Variants in MEGF6 observed in about 807,000 individuals in gnomAD.
The protein encoded by MEGF6 is multiple epidermal growth factor-like domains protein 6.
Under a neutral mutation model 207.1 loss-of-function variants are expected in MEGF6, and 184 were observed. The ratio of observed to expected loss-of-function variants is 0.89; its 90% confidence interval spans 0.79 to 1.00. MEGF6 has a LOEUF of 1.00. Ranked by LOEUF, MEGF6 falls within the 50% of genes least tolerant of loss-of-function variation. The pLI, the probability that MEGF6 is intolerant of heterozygous loss-of-function variation, is 0.00. For missense variants in MEGF6, 2,282 were observed against 2,202.9 expected (o/e 1.04, Z -0.72); for synonymous variants, 1,038 against 910.0 (o/e 1.14, Z -2.53).
intron 4 of MEGF6, among the ~76,000 whole-genome samples, chr1:3,538,134 C>T (rs753026731): frequency 1.3e-5 from 2 of 152,230 alleles, no homozygotes; most frequent in African/African-American, 4.8e-5. Flanking sequence ...GCAAGTGGCA[C>T]GTGGATCTGC....
chr1:3,579,865 A>G lies in MEGF6; in HGVS notation c.441T>C (p.Cys147=). 1 of 1,540,896 alleles carries G rather than the reference A, an allele frequency of 6.5e-7. No individual in the cohort carries two copies. The highest frequency in any genetic ancestry group is 8.7e-7 in the Non-Finnish European group (1 of 1,150,006). The change falls in exon 4 of 37, where the codon TGT becomes TGC. Residue 147 remains cysteine, a synonymous_variant. Transcript: ENST00000356575. ...GRCVPGSAQP[C]HCPPGFQGPR... is the part of the protein sequence containing the mutation. ...GTCCCTGGAAGCCGGGGGGACAGTG[A>G]CACGGCTGGGCTGAGCCTGGCACAC...
At chr1:3,604,852 A>G (rs527666300) in intron 1 of MEGF6, among the ~76,000 whole-genome samples, 174 of 152,222 alleles carry the variant, frequency 1.1e-3, no homozygotes, top group African/African-American at 4.0e-3. Context: ...AGGTTGGATC[A>G]GGGACAGAGG....
At chr1:3,572,602 A>G (rs1480000817) in intron 4 of MEGF6, among the ~76,000 whole-genome samples, 14 of 84,250 alleles carry the variant, frequency 1.7e-4, no homozygotes, top group East Asian at 4.4e-4. Flanking sequence ...TCTCCTGAGT[A>G]TGCTGGGTCC....
At chr1:3,518,711 G>C (rs536059213) in intron 5 of MEGF6, among the ~76,000 whole-genome samples, 2 of 152,362 alleles carry the variant, frequency 1.3e-5, no homozygotes, top group East Asian at 3.9e-4. Context: ...GTTTCACGAG[G>C]CTTGTAATTA....
chr1:3,562,364 C>T (rs1290398081), intron 4 of MEGF6, among the ~76,000 whole-genome samples: 2 of 152,212 alleles, frequency 1.3e-5, no homozygotes, highest in Non-Finnish European at 2.9e-5. Context: ...GTCTCTCCAT[C>T]TCTCTTTGTG....
intron 2 of MEGF6, among the ~76,000 whole-genome samples, chr1:3,598,996 C>T (rs1644117699): frequency 3.9e-5 from 6 of 152,210 alleles, no homozygotes; most frequent in Admixed American, 3.9e-4. Flanking sequence ...GCTGTACTCA[C>T]AGCCTCACCT....
chr1:3,504,134 C>T (rs1641014166), intron 17 of MEGF6, among the ~76,000 whole-genome samples: 2 of 150,728 alleles, frequency 1.3e-5, no homozygotes, highest in South Asian at 4.1e-4. Context: ...GGGGGCTGGC[C>T]CCAGGGGAGG....
intron 3 of MEGF6, among the ~76,000 whole-genome samples, chr1:3,583,196 G>C (rs551104663): frequency 6.6e-6 from 1 of 152,144 alleles, no homozygotes; most frequent in Non-Finnish European, 1.5e-5. Context: ...GCTCCAAACC[G>C]AGAGCAGGTG....
At chr1:3,611,789 C>T (rs1355215249), upstream of MEGF6, among the ~76,000 whole-genome samples, 1 of 151,508 alleles carries the variant, frequency 6.6e-6, no homozygotes, top group Non-Finnish European at 1.5e-5. Flanking sequence ...CCCCAGACCC[C>T]GCGGGGCTGG....
chr1:3,528,728 G>A (rs1377411517), intron 4 of MEGF6, among the ~76,000 whole-genome samples: 1 of 152,030 alleles, frequency 6.6e-6, no homozygotes, highest in African/African-American at 2.4e-5. Flanking sequence ...GATGGAGGAG[G>A]GGCCACAAGA....
At chr1:3,593,486 TTCATGCGGCTGTGCCTTCAAG>T (rs1160142088) in intron 3 of MEGF6, among the ~76,000 whole-genome samples, 5 of 35,048 alleles carry the variant, frequency 1.4e-4, no homozygotes, top group Non-Finnish European at 2.1e-4. Context: ...GCCCCAGCCA[TTCATGCGGCTGTGCCTTCAAG>T]TCCCCTCCTG....
rs1179617566 is a variant in MEGF6 at position 3,493,842 on chromosome 1, C to T, written c.4316G>A (p.Gly1439Glu). Residue 1439 changes from glycine (G) to glutamate (E), a missense_variant, in exon 34 of 37, where the codon GGG (glycine) becomes GAG (glutamate). Transcript: ENST00000356575. ...GCHQRCDCDG[G>E]APCDPVTGLC... is the part of the protein sequence containing the mutation. ...ACCGGTGACAGGGTCACAGGGTGCC[C>T]CCCCGTCACAGTCACAGCGCTGGTG... 1 of 1,604,672 alleles carries T rather than the reference C, an allele frequency of 6.2e-7. No homozygotes were observed. Among genetic ancestry groups the T allele is most frequent in the Admixed American group, 1.7e-5 (1 of 58,818 alleles).
At chr1:3,538,964 C>T (rs1480648815) in intron 4 of MEGF6, among the ~76,000 whole-genome samples, 2 of 152,188 alleles carry the variant, frequency 1.3e-5, no homozygotes, top group Admixed American at 6.5e-5. Flanking sequence ...CCAGGTCTCA[C>T]ACTGTACTCA....
intron 4 of MEGF6, among the ~76,000 whole-genome samples, chr1:3,575,152 G>C (rs1035143387): frequency 1.3e-5 from 2 of 152,182 alleles, no homozygotes; most frequent in African/African-American, 4.8e-5. Context: ...TACCAATTCT[G>C]AGCCAAGCCC....
chr1:3,617,019 C>T, the MEGF6 span, among the ~76,000 whole-genome samples: 3 of 152,156 alleles, frequency 2.0e-5, no homozygotes, highest in African/African-American at 7.2e-5. Flanking sequence ...GCCAGACACA[C>T]AGGCCTGGGC....
At chr1:3,500,789 G>T in intron 20 of MEGF6, 25 bp from the exon 21 acceptor site, 1 of 1,601,584 alleles carries the variant, frequency 6.2e-7, no homozygotes, top group African/African-American at 1.3e-5. Flanking sequence ...AGGGTCACCC[G>T]GCGCAGGCCC....
At chr1:3,548,024 T>C (rs1159671334) in intron 4 of MEGF6, among the ~76,000 whole-genome samples, 1 of 151,936 alleles carries the variant, frequency 6.6e-6, no homozygotes, top group East Asian at 1.9e-4. Context: ...CTTCCAGGAA[T>C]GTTCAGCCCC....
At chr1:3,581,566 G>A (rs538599820) in intron 3 of MEGF6, among the ~76,000 whole-genome samples, 1 of 152,350 alleles carries the variant, frequency 6.6e-6, no homozygotes, top group Admixed American at 6.5e-5. Context: ...CCTGATGCCT[G>A]CTGACTTGTG....
At chr1:3,516,690 C>T (rs773075369) in intron 5 of MEGF6, among the ~76,000 whole-genome samples, 2 of 152,292 alleles carry the variant, frequency 1.3e-5, no homozygotes, top group South Asian at 2.1e-4. Context: ...GAGCAGGCAG[C>T]GGCTGGAGCA....
Sources: gnomAD v4.1 joint callset for allele counts (sites outside exome capture counted in the v4.1 genomes callset) on GRCh38, gnomAD v4.1.1 for gene constraint, MANE v1.5 for transcripts, NCBI Gene and HGNC (gene_info 2026-07-23, HGNC 2026-07-21) for gene names.